Variants in DMD observed in about 807,000 individuals in gnomAD.
The protein encoded by DMD is mutant dystrophin.
Under a neutral mutation model 330.1 loss-of-function variants are expected in DMD, and 63 were observed. The observed-to-expected ratio is 0.19, with a 90% CI of 0.16 to 0.24. The LOEUF (loss-of-function observed/expected upper bound fraction) is 0.24, where lower values mean the gene tolerates loss of function less well. Ranked by LOEUF, DMD falls within the 10% of genes least tolerant of loss-of-function variation. The pLI, the probability that DMD is intolerant of heterozygous loss-of-function variation, is 1.00. For missense variants in DMD, 3,344 were observed against 2,684.1 expected, an observed-to-expected ratio of 1.25 and a Z score of -5.43; for synonymous variants, 1,223 against 959.8, an observed-to-expected ratio of 1.27 and a Z score of -5.07.
intron 7 of DMD, among the ~76,000 whole-genome samples, chrX:32,741,086 G>T (rs890191388): frequency 9.0e-6 from 1 of 111,496 alleles, no homozygotes; most frequent in Non-Finnish European, 1.9e-5. Flanking sequence ...TGTATGTGCC[G>T]AGAAGGAGGC....
chrX:32,136,326 CT>C (rs1395819105), intron 44 of DMD, among the ~76,000 whole-genome samples: 2 of 112,380 alleles, frequency 1.8e-5, no homozygotes, highest in African/African-American at 6.5e-5. Flanking sequence ...ATCATGCCCC[CT>C]GGGCAAAGAA....
chrX:32,457,056 A>AG (rs199953831), intron 25 of DMD, among the ~76,000 whole-genome samples: 1,852 of 106,112 alleles, frequency 0.017, 56 homozygotes, highest in African/African-American at 0.061. Flanking sequence ...GGGTGGTAAT[A>AG]GGGGGAAAAA....
intron 50 of DMD, among the ~76,000 whole-genome samples, chrX:31,807,181 G>T (rs2092318434): frequency 9.0e-6 from 1 of 111,539 alleles, no homozygotes; most frequent in South Asian, 3.7e-4. Flanking sequence ...TAGGCAATTG[G>T]GTCCACTTAT....
At chrX:31,153,648 A>C (rs1334549546) in intron 74 of DMD, among the ~76,000 whole-genome samples, 3 of 112,238 alleles carry the variant, frequency 2.7e-5, no homozygotes, top group Non-Finnish European at 5.6e-5. Context: ...ACCAGGACAC[A>C]TTGATTTTGT....
At chrX:32,001,136 A>G (rs1668529046) in intron 44 of DMD, among the ~76,000 whole-genome samples, 1 of 111,607 alleles carries the variant, frequency 9.0e-6, no homozygotes, top group Non-Finnish European at 1.9e-5. Flanking sequence ...CAACGGGAGT[A>G]CAAGGAAACT....
chrX:31,881,347 T>C (rs2094061817), intron 47 of DMD, among the ~76,000 whole-genome samples: 1 of 105,000 alleles, frequency 9.5e-6, no homozygotes. Flanking sequence ...GGTCAGGAGA[T>C]CGGGACCATC....
chrX:31,687,559 G>A (rs1043448323), intron 52 of DMD, among the ~76,000 whole-genome samples: 2 of 111,833 alleles, frequency 1.8e-5, no homozygotes, highest in African/African-American at 6.5e-5. Context: ...GGGCCACAGG[G>A]AGAGGATCCT....
intron 1 of DMD, among the ~76,000 whole-genome samples, chrX:33,139,744 G>T (rs1311241275): frequency 1.8e-4 from 20 of 109,249 alleles, no homozygotes; most frequent in African/African-American, 6.7e-4. Flanking sequence ...CCGAGAAGAT[G>T]CCAGCATTAT....
chrX:31,874,598 AAAT>A (rs1368873266), intron 48 of DMD, among the ~76,000 whole-genome samples: 2 of 111,036 alleles, frequency 1.8e-5, no homozygotes, highest in Admixed American at 1.9e-4. Context: ...TATTCTAGTA[AAAT>A]AATAATAATT....
chrX:31,799,089 C>T (rs1000094446), intron 50 of DMD, among the ~76,000 whole-genome samples: 1 of 111,936 alleles, frequency 8.9e-6, no homozygotes, highest in African/African-American at 3.3e-5. Context: ...CTTCTCTGTA[C>T]TGAGTCTTGC....
intron 67 of DMD, among the ~76,000 whole-genome samples, chrX:31,198,594 T>C (rs946411518): frequency 8.9e-6 from 1 of 112,282 alleles, no homozygotes; most frequent in Non-Finnish European, 1.9e-5. Flanking sequence ...TAAAACATAC[T>C]TTTTTACCTG....
intron 44 of DMD, among the ~76,000 whole-genome samples, chrX:31,986,525 G>C (rs1351833329): frequency 9.0e-6 from 1 of 110,880 alleles, no homozygotes; most frequent in Non-Finnish European, 1.9e-5. Flanking sequence ...CGATTCTCCT[G>C]CCTCAGCCTC....
chrX:33,008,923 TACATGTATATATAC>T (rs1845885561), intron 2 of DMD, among the ~76,000 whole-genome samples: 1 of 82,216 alleles, frequency 1.2e-5, no homozygotes, highest in South Asian at 5.6e-4. Flanking sequence ...TATGTATATA[TACATGTATATATAC>T]ACACGTATAT....
chrX:31,450,965 C>A (rs192899895), intron 59 of DMD, among the ~76,000 whole-genome samples: 1 of 111,686 alleles, frequency 9.0e-6, no homozygotes, highest in East Asian at 2.8e-4. Context: ...CTCAGAGTCA[C>A]TGAGGAATGG....
chrX:32,632,049 G>C (rs757474566), intron 11 of DMD, among the ~76,000 whole-genome samples: 2 of 111,719 alleles, frequency 1.8e-5, no homozygotes, highest in Non-Finnish European at 3.8e-5. Flanking sequence ...TTCTACCTAT[G>C]AGCCCGTAAA....
chrX:33,190,952 AT>A (rs2050570001), intron 1 of DMD, among the ~76,000 whole-genome samples: 1 of 1,559 alleles, frequency 6.4e-4, no homozygotes, highest in Non-Finnish European at 1.1e-3. Flanking sequence ...AATATATAAT[AT>A]TATATATATA....
At chrX:31,922,069 C>A (rs2094697295) in intron 47 of DMD, among the ~76,000 whole-genome samples, 1 of 111,582 alleles carries the variant, frequency 9.0e-6, no homozygotes, top group African/African-American at 3.3e-5. Flanking sequence ...CTCCTGCTCT[C>A]CTTTCACTTT....
intron 34 of DMD, among the ~76,000 whole-genome samples, chrX:32,379,117 T>C (rs1422946555): frequency 9.1e-6 from 1 of 110,144 alleles, no homozygotes; most frequent in Non-Finnish European, 1.9e-5. Flanking sequence ...TTAGAGTATG[T>C]CATTAACAGC....
intron 32 of DMD, among the ~76,000 whole-genome samples, chrX:32,387,599 T>C (rs908702322): frequency 5.4e-5 from 6 of 111,434 alleles, no homozygotes; most frequent in African/African-American, 1.6e-4. Context: ...CAATGCTACA[T>C]GTATATTTCC....
Sources: gnomAD v4.1 joint callset for allele counts (sites outside exome capture counted in the v4.1 genomes callset) on GRCh38, gnomAD v4.1.1 for gene constraint, MANE v1.5 for transcripts, NCBI Gene and HGNC (gene_info 2026-07-23, HGNC 2026-07-21) for gene names.